Variants in ABCA9 observed in about 807,000 individuals in gnomAD.
ABCA9 encodes the protein ATP-binding cassette sub-family A member 9.
Under a neutral mutation model 205.3 loss-of-function variants are expected in ABCA9, and 183 were observed. That is an observed-to-expected ratio of 0.89 (90% CI 0.79 to 1.01). The LOEUF is 1.01. ABCA9 is among the 50% of genes least tolerant of loss of function. ABCA9 has a pLI of 0.00. For missense variants in ABCA9, 1,805 were observed against 1,912.4 expected, an observed-to-expected ratio of 0.94 and a Z score of 1.05; for synonymous variants, 651 against 683.3, an observed-to-expected ratio of 0.95 and a Z score of 0.74.
At chr17:69,052,256 T>G (rs1173082373) in intron 1 of ABCA9, among the ~76,000 whole-genome samples, 1 of 152,128 alleles carries the variant, frequency 6.6e-6, no homozygotes, top group Non-Finnish European at 1.5e-5. Context: ...TAGTCCCAGC[T>G]ACCAGCTACT....
chr17:69,015,003 C>T (rs1190526316), intron 22 of ABCA9, among the ~76,000 whole-genome samples: 1 of 152,090 alleles, frequency 6.6e-6, no homozygotes, highest in East Asian at 1.9e-4. Flanking sequence ...AAACTGCTAG[C>T]AACTAGAGAA....
chr17:69,060,813 CTTATG>C, intron 1 of ABCA9, 48 bp downstream of exon 1: 2 of 964,516 alleles, frequency 2.1e-6, no homozygotes, highest in African/African-American at 1.8e-5. Context: ...TATTTATAGT[CTTATG>C]TTATATTTCT....
At chr17:69,022,954 C>A (rs1363234746) in intron 17 of ABCA9, among the ~76,000 whole-genome samples, 1 of 152,176 alleles carries the variant, frequency 6.6e-6, no homozygotes, top group East Asian at 1.9e-4. Context: ...AATTTCTCAT[C>A]CACTTTGGAA....
chr17:68,984,795 CTT>C (rs1207087036), intron 34 of ABCA9, 88 bp downstream of exon 34: 7 of 1,548,464 alleles, frequency 4.5e-6, no homozygotes, highest in Non-Finnish European at 6.2e-6. Context: ...GATACTGTGT[CTT>C]TTCCTTTCTA....
Position 68,974,733 on chromosome 17 carries a change from A to G in ABCA9, c.*1182T>C, listed in dbSNP as rs1473244049. ...GGAAATTAAGACCTATGAAGTTTTA[A>G]TTATTTGCATAAGAGTATGCCCTTG... On this transcript the variant is annotated 3_prime_UTR_variant, in exon 39 of 39. Coordinates refer to ENST00000340001, the MANE Select transcript of ABCA9 (RefSeq NM_080283.4). The G allele has an allele frequency of 1.3e-5, 2 of 152,252 alleles. No individual in the cohort carries two copies. The highest frequency in any genetic ancestry group is 4.8e-5 in the African/African-American group (2 of 41,472). 9.4% of individuals were successfully genotyped at this position (152,252 alleles called of 1,614,324 possible).
At position 69,012,063 on chromosome 17, in the gene ABCA9, A is replaced by G; in HGVS notation, c.3060T>C (p.Tyr1020=). ...AGAAGAAGGTGTTACTTCGGTACCC[A>G]TACTCATAATCCATATGCTCCTGAA... ...TFFEEHMDYE[Y]GYRSNTFFWI... is the part of the protein sequence containing the mutation. Residue 1020 remains tyrosine (Y), a synonymous_variant, in exon 23 of 39, where the codon TAT becomes TAC. Transcript: ENST00000340001. The G allele has an allele frequency of 6.2e-7, 1 of 1,612,668 alleles. No homozygotes were observed. The highest frequency in any genetic ancestry group is 8.5e-7 in the Non-Finnish European group (1 of 1,179,236).
At chr17:68,978,423 A>G (rs2068948166) in intron 37 of ABCA9, among the ~76,000 whole-genome samples, 1 of 151,842 alleles carries the variant, frequency 6.6e-6, no homozygotes. Context: ...TCTTTATCTA[A>G]TTTGCCAGTC....
Position 69,028,648 on chromosome 17 carries a change from G to A in ABCA9, c.1505-3C>T. On this transcript the variant is annotated splice_polypyrimidine_tract_variant and splice_region_variant and intron_variant, in intron 11 of 38. Transcript: ENST00000340001. Reference sequence around the variant, plus strand: ...TTCATATATGTCAAACACCACACCTGGCATGATTTTAAAAAAAATTACACT... The same window carrying A: ...TTCATATATGTCAAACACCACACCTAGCATGATTTTAAAAAAAATTACACT... The A allele has an allele frequency of 2.6e-6, 4 of 1,541,900 alleles. No individual in the cohort carries two copies. Among genetic ancestry groups the A allele is most frequent in the Non-Finnish European group, 3.5e-6 (4 of 1,142,072 alleles).
chr17:69,002,712 T>G (rs1272582829), intron 25 of ABCA9, among the ~76,000 whole-genome samples: 185 of 147,506 alleles, frequency 1.3e-3, no homozygotes, highest in Non-Finnish European at 1.8e-3. Flanking sequence ...ATGTTGACAG[T>G]GGGGTGTTAA....
At chr17:69,021,534 T>C (rs752729872) in intron 18 of ABCA9, among the ~76,000 whole-genome samples, 1 of 152,184 alleles carries the variant, frequency 6.6e-6, no homozygotes, top group Non-Finnish European at 1.5e-5. Context: ...GTGTTGTACA[T>C]TGCTATATTC....
At chr17:69,003,330 C>T (rs2069963721) in intron 25 of ABCA9, among the ~76,000 whole-genome samples, 1 of 151,346 alleles carries the variant, frequency 6.6e-6, no homozygotes, top group South Asian at 2.1e-4. Context: ...CAAAATCTCT[C>T]AGCATTTGCT....
chr17:69,035,674 A>G lies in ABCA9; in HGVS notation c.928T>C (p.Tyr310His), dbSNP rs759669872. 3 of 1,613,702 alleles carry G rather than the reference A, an allele frequency of 1.9e-6. No individual in the cohort carries two copies. The highest frequency in any genetic ancestry group is 2.5e-6 in the Non-Finnish European group (3 of 1,179,798). The change falls in exon 7 of 39, where the codon TAT (tyrosine) becomes CAT (histidine). Residue 310 changes from tyrosine to histidine, a missense_variant. By Grantham distance (83) the Tyr-to-His change is moderately conservative. Coordinates refer to ENST00000340001, the MANE Select transcript of ABCA9 (RefSeq NM_080283.4). Reference sequence around the variant, plus strand: ...AACCAACTCACCAAAGACAGGCCATAGAGGAGAAAGAGGGTGAAGACCATC... The same window carrying G: ...AACCAACTCACCAAAGACAGGCCATGGAGGAGAAAGAGGGTGAAGACCATC... ...FVMVFTLFLL[Y>H]GLSLITLAFL...
intron 37 of ABCA9, among the ~76,000 whole-genome samples, chr17:68,978,333 C>T (rs1414550703): frequency 6.6e-6 from 1 of 152,222 alleles, no homozygotes; most frequent in African/African-American, 2.4e-5. Flanking sequence ...AGATCTTCCT[C>T]CATCCCTTTA....
At chr17:69,028,247 A>G (rs1384087068) in intron 12 of ABCA9, among the ~76,000 whole-genome samples, 2 of 152,070 alleles carry the variant, frequency 1.3e-5, no homozygotes, top group Admixed American at 6.5e-5. Flanking sequence ...GCTCACTGCA[A>G]CCTCCGCCTC....
At chr17:69,036,897 A>T (rs1470801795) in intron 6 of ABCA9, among the ~76,000 whole-genome samples, 1 of 144,548 alleles carries the variant, frequency 6.9e-6, no homozygotes, top group Non-Finnish European at 1.5e-5. Flanking sequence ...AAAAAAAAAA[A>T]AGCAGAGGTT....
Position 69,017,561 on chromosome 17 carries a change from G to A in ABCA9, c.2901+95C>T, listed in dbSNP as rs73370048. 4,914 of 1,381,492 alleles carry A rather than the reference G, an allele frequency of 3.6e-3. 78 individuals carry two copies. The African/African-American group carries it at 0.047, about 13-fold the overall frequency. 85.6% of individuals were successfully genotyped at this position (1,381,492 alleles called of 1,614,324 possible). ...AATGAGAACTATCCCATTTGTTTGT[G>A]TGAAATTGGCCTTTCATTCAGCTGA... On this transcript the variant is annotated intron_variant, in intron 21 of 38. Coordinates refer to ENST00000340001, the MANE Select transcript of ABCA9 (RefSeq NM_080283.4).
chr17:69,026,577 G>T, intron 15 of ABCA9, 110 bp from the exon 16 acceptor site: 1 of 990,406 alleles, frequency 1.0e-6, no homozygotes, highest in Non-Finnish European at 1.5e-6. Context: ...CACTAAAATA[G>T]ATATACTCTA....
intron 1 of ABCA9, 36 bp downstream of exon 1, chr17:69,060,830 T>C (rs933715540): frequency 3.1e-5 from 30 of 978,180 alleles, no homozygotes; most frequent in African/African-American, 5.3e-5. Context: ...TATATTTCTA[T>C]ATGCAAAATA....
intron 37 of ABCA9, among the ~76,000 whole-genome samples, chr17:68,976,438 T>C (rs540159609): frequency 3.4e-4 from 52 of 152,308 alleles, no homozygotes; most frequent in Non-Finnish European, 6.0e-4. Context: ...CCAGAGCATC[T>C]GTGCAGAACA....
Sources: gnomAD v4.1 joint callset for allele counts (sites outside exome capture counted in the v4.1 genomes callset) on GRCh38, gnomAD v4.1.1 for gene constraint, MANE v1.5 for transcripts, NCBI Gene and HGNC (gene_info 2026-07-23, HGNC 2026-07-21) for gene names.